APLF: variants seen among roughly 807,000 people sequenced by gnomAD.
APLF encodes aprataxin and PNK-like factor.
Under a neutral mutation model 55.6 loss-of-function variants are expected in APLF, and 61 were observed. The observed-to-expected ratio is 1.10, with a 90% CI of 0.89 to 1.36. APLF has a LOEUF of 1.36. Ranked by LOEUF, APLF falls within the 40% of genes most tolerant of loss-of-function variation. The pLI, the probability that APLF is intolerant of heterozygous loss-of-function variation, is 0.00. For missense variants in APLF, 611 were observed against 602.5 expected (o/e 1.01, Z -0.15); for synonymous variants, 207 against 214.8 (o/e 0.96, Z 0.32).
chr2:68,534,737 G>A (rs1458565617), intron 6 of APLF, among the ~76,000 whole-genome samples: 1 of 152,118 alleles, frequency 6.6e-6, no homozygotes, highest in African/African-American at 2.4e-5. Flanking sequence ...TAAGAAATAA[G>A]CAATGTGGGA....
chr2:68,471,262 A>G (rs866991466), intron 1 of APLF, among the ~76,000 whole-genome samples: 1 of 147,140 alleles, frequency 6.8e-6, no homozygotes, highest in African/African-American at 2.7e-5. Context: ...ATGCAGTCCT[A>G]CCAACTGCTA....
At position 68,543,436 on chromosome 2, in the gene APLF, A is replaced by G. The variant is rs187725889; in HGVS notation, c.1161-1751A>G. On this transcript the variant is annotated intron_variant, in intron 7 of 9. Transcript: ENST00000303795. ...ATAAATACTGCCATGTGAAAAAACA[A>G]AAAAGAAACCTAACAGTGCTAAATG... 2.7e-3 allele frequency among the ~76,000 whole-genome samples: 409 copies of G among 152,318 alleles called. 2 individuals carry two copies. The highest frequency in any genetic ancestry group is 3.3e-3 in the Non-Finnish European group (225 of 68,010).
At chr2:68,546,639 G>C (rs1282608636) in intron 8 of APLF, among the ~76,000 whole-genome samples, 1 of 151,436 alleles carries the variant, frequency 6.6e-6, no homozygotes, top group African/African-American at 2.4e-5. Flanking sequence ...CATGTCATCA[G>C]AATAAGTAGA....
At chr2:68,470,843 G>T (rs1197188484) in intron 1 of APLF, among the ~76,000 whole-genome samples, 1 of 152,162 alleles carries the variant, frequency 6.6e-6, no homozygotes, top group Non-Finnish European at 1.5e-5. Flanking sequence ...GAACAGGGAA[G>T]GTCATAGGCT....
intron 3 of APLF, among the ~76,000 whole-genome samples, chr2:68,509,666 C>T (rs1225930318): frequency 6.6e-6 from 1 of 152,094 alleles, no homozygotes; most frequent in Non-Finnish European, 1.5e-5. Flanking sequence ...GTGGCGATTC[C>T]TCAGGGATCT....
intron 1 of APLF, among the ~76,000 whole-genome samples, chr2:68,486,432 A>G (rs936036106): frequency 6.6e-6 from 1 of 151,840 alleles, no homozygotes; most frequent in African/African-American, 2.4e-5. Flanking sequence ...GCAATGTTGG[A>G]TCTGAAATGT....
intron 1 of APLF, among the ~76,000 whole-genome samples, chr2:68,487,180 T>C (rs1676206900): frequency 6.6e-6 from 1 of 152,154 alleles, no homozygotes; most frequent in Non-Finnish European, 1.5e-5. Flanking sequence ...CTCTTGGAGC[T>C]TTATTTAGGA....
chr2:68,524,516 C>T (rs886478425), intron 5 of APLF, among the ~76,000 whole-genome samples: 4 of 152,186 alleles, frequency 2.6e-5, no homozygotes, highest in African/African-American at 9.7e-5. Flanking sequence ...TGACTGCTTT[C>T]ATGTTACAAA....
chr2:68,562,931 G>A (rs975727631), intron 8 of APLF, among the ~76,000 whole-genome samples: 4 of 151,842 alleles, frequency 2.6e-5, no homozygotes, highest in Non-Finnish European at 5.9e-5. Flanking sequence ...TTCTGTTTGG[G>A]CTCATTTTCT....
At chr2:68,495,394 G>A (rs80252936) in intron 2 of APLF, among the ~76,000 whole-genome samples, 3,911 of 152,304 alleles carry the variant, frequency 0.026, 66 homozygotes, top group South Asian at 0.043. Flanking sequence ...AAACCCATTA[G>A]GGCAGTCAGT....
At chr2:68,566,071 A>ATCCACTTCCTGAGACTGGCCATTTTTC (rs1461767363) in intron 8 of APLF, among the ~76,000 whole-genome samples, 3 of 152,042 alleles carry the variant, frequency 2.0e-5, no homozygotes, top group Admixed American at 2.0e-4. Context: ...GGGGCTAGAG[A>ATCCACTTCCTGAGACTGGCCATTTTTC]TCCACTTCCT....
At chr2:68,536,724 A>G (rs1025978232) in intron 6 of APLF, among the ~76,000 whole-genome samples, 1 of 152,202 alleles carries the variant, frequency 6.6e-6, no homozygotes, top group African/African-American at 2.4e-5. Context: ...ATTAAGACAA[A>G]TTTAAAGGAA....
intron 1 of APLF, among the ~76,000 whole-genome samples, chr2:68,479,955 TTTCTC>T (rs1185645418): frequency 2.6e-5 from 4 of 152,154 alleles, no homozygotes; most frequent in African/African-American, 9.7e-5. Context: ...ATACATATAT[TTTCTC>T]TTCCTTACGA....
At chr2:68,571,308 A>G (rs1235360986) in intron 9 of APLF, among the ~76,000 whole-genome samples, 2 of 151,902 alleles carry the variant, frequency 1.3e-5, no homozygotes, top group Non-Finnish European at 2.9e-5. Context: ...ATTAGATCCC[A>G]TTTGTCAATT....
chr2:68,519,212 A>G lies in APLF; in HGVS notation c.622+5532A>G, dbSNP rs897411074. 1.3e-3 allele frequency among the ~76,000 whole-genome samples: 179 copies of G among 140,108 alleles called. 2 individuals are homozygous for G. Among genetic ancestry groups the G allele is most frequent in the Admixed American group, 6.9e-4 (9 of 13,072 alleles). 91.9% of individuals were successfully genotyped at this position (140,108 alleles called of 152,430 possible). On this transcript the variant is annotated intron_variant, in intron 5 of 9. Transcript: ENST00000303795. ...TATTTATAATATATAAATATATATT[A>G]TCTATATTTATTACATAATATATTA...
intron 5 of APLF, among the ~76,000 whole-genome samples, chr2:68,518,775 T>C (rs1297808125): frequency 2.9e-5 from 3 of 103,114 alleles, no homozygotes; most frequent in Non-Finnish European, 5.3e-5. Context: ...TAATAATATA[T>C]CATTATATAA....
chr2:68,555,288 A>G (rs1404697562), intron 8 of APLF, among the ~76,000 whole-genome samples: 1 of 152,188 alleles, frequency 6.6e-6, no homozygotes, highest in Non-Finnish European at 1.5e-5. Context: ...AGCAAGTGCA[A>G]TAATAACAAA....
chr2:68,524,386 T>G (rs1424223841), intron 5 of APLF, among the ~76,000 whole-genome samples: 1 of 152,220 alleles, frequency 6.6e-6, no homozygotes, highest in Non-Finnish European at 1.5e-5. Flanking sequence ...GCTACTTGAA[T>G]GTCCTTTAGA....
At chr2:68,576,491 A>G (rs915068095) in intron 9 of APLF, among the ~76,000 whole-genome samples, 2 of 152,164 alleles carry the variant, frequency 1.3e-5, no homozygotes, top group Non-Finnish European at 2.9e-5. Flanking sequence ...TTGGCTACCA[A>G]GAATCTTGGG....
Sources: gnomAD v4.1 joint callset for allele counts (sites outside exome capture counted in the v4.1 genomes callset) on GRCh38, gnomAD v4.1.1 for gene constraint, MANE v1.5 for transcripts, NCBI Gene and HGNC (gene_info 2026-07-23, HGNC 2026-07-21) for gene names.